KIAA1549L: variants seen among roughly 807,000 people sequenced by gnomAD.
KIAA1549L encodes the protein KIAA1549 like.
A neutral mutation model predicts 160.7 loss-of-function variants in KIAA1549L; 88 were observed. The observed-to-expected ratio is 0.55, with a 90% CI of 0.46 to 0.65. The LOEUF (loss-of-function observed/expected upper bound fraction) is 0.65, where lower values mean the gene tolerates loss of function less well. Among genes scored for constraint, KIAA1549L ranks in the 30% least tolerant of loss-of-function variants. The pLI, the probability that KIAA1549L is intolerant of heterozygous loss-of-function variation, is 0.00. For missense variants in KIAA1549L, 2,258 were observed against 2,437.5 expected (o/e 0.93, Z 1.55); for synonymous variants, 950 against 976.7 (o/e 0.97, Z 0.51).
Position 33,598,992 on chromosome 11 carries a change from C to T in KIAA1549L, c.4879+45C>T, listed in dbSNP as rs148522549. The T allele has an allele frequency of 1.9e-3, 3,073 of 1,605,960 alleles. 12 individuals are homozygous for T. The highest frequency in any genetic ancestry group is 6.7e-3 in the South Asian group (610 of 90,564). On this transcript the variant is annotated intron_variant, in intron 13 of 20. Transcript: ENST00000658780. Reference sequence around the variant, plus strand: ...AGAACCACCCCCAGCTGCTCCCACGCGTGCCCGCACACACATGCGTGCACA... The same window carrying T: ...AGAACCACCCCCAGCTGCTCCCACGTGTGCCCGCACACACATGCGTGCACA...
At chr11:33,505,795 C>T (rs1467543553) in intron 1 of KIAA1549L, among the ~76,000 whole-genome samples, 1 of 152,112 alleles carries the variant, frequency 6.6e-6, no homozygotes, top group African/African-American at 2.4e-5. Flanking sequence ...TTTTTTATGG[C>T]CAGATTTTTG....
At chr11:33,624,498 T>C (rs951157535) in intron 16 of KIAA1549L, among the ~76,000 whole-genome samples, 4 of 152,198 alleles carry the variant, frequency 2.6e-5, no homozygotes, top group African/African-American at 7.2e-5. Context: ...CAAACATTAA[T>C]TGAGTGCATT....
intron 12 of KIAA1549L, among the ~76,000 whole-genome samples, chr11:33,596,873 A>AC (rs925532171): frequency 6.6e-6 from 1 of 152,040 alleles, no homozygotes; most frequent in African/African-American, 2.4e-5. Flanking sequence ...GGTGCCATTC[A>AC]CCAGAAGAGT....
chr11:33,665,138 C>T (rs2133456514), intron 20 of KIAA1549L: 1 of 152,424 alleles, frequency 6.6e-6, no homozygotes, highest in African/African-American at 2.4e-5. Context: ...TTCCTGGAAA[C>T]CTCTGTGGCC....
chr11:33,478,156 C>G (rs925384399), intron 1 of KIAA1549L, among the ~76,000 whole-genome samples: 1 of 152,242 alleles, frequency 6.6e-6, no homozygotes, highest in African/African-American at 2.4e-5. Flanking sequence ...TCATTGTCTT[C>G]TGTGGTATGC....
intron 17 of KIAA1549L, among the ~76,000 whole-genome samples, chr11:33,649,378 G>C (rs995282088): frequency 6.7e-5 from 10 of 148,954 alleles, no homozygotes; most frequent in Non-Finnish European, 4.4e-5. Flanking sequence ...GGCTGGGCCT[G>C]TAGTCCTAGC....
intron 1 of KIAA1549L, among the ~76,000 whole-genome samples, chr11:33,508,887 C>T (rs985106009): frequency 1.3e-5 from 2 of 152,194 alleles, no homozygotes; most frequent in African/African-American, 4.8e-5. Context: ...CCTTTTGCTT[C>T]AGTTTCTTTG....
intron 1 of KIAA1549L, among the ~76,000 whole-genome samples, chr11:33,392,394 CAT>C (rs1469362801): frequency 2.0e-5 from 3 of 152,174 alleles, no homozygotes; most frequent in African/African-American, 4.8e-5. Flanking sequence ...GACATCAGTA[CAT>C]GTCACCCCTA....
chr11:33,627,674 G>T (rs115141407), intron 16 of KIAA1549L, among the ~76,000 whole-genome samples: 1 of 151,896 alleles, frequency 6.6e-6, no homozygotes, highest in Admixed American at 6.6e-5. Flanking sequence ...TGCCAATAAA[G>T]AAACAATTAG....
intron 1 of KIAA1549L, among the ~76,000 whole-genome samples, chr11:33,415,604 C>T (rs1158670146): frequency 6.6e-6 from 1 of 152,158 alleles, no homozygotes; most frequent in Non-Finnish European, 1.5e-5. Context: ...CCGAGTGGAA[C>T]AGCCAAGCCT....
intron 11 of KIAA1549L, among the ~76,000 whole-genome samples, chr11:33,590,436 A>C (rs1850019585): frequency 6.6e-6 from 1 of 152,230 alleles, no homozygotes; most frequent in South Asian, 2.1e-4. Context: ...ACTTTCAGGA[A>C]TTGTTTAAAT....
chr11:33,539,578 C>A (rs572822171), intron 1 of KIAA1549L, among the ~76,000 whole-genome samples: 1 of 152,330 alleles, frequency 6.6e-6, no homozygotes, highest in Non-Finnish European at 1.5e-5. Flanking sequence ...TTGCTACTTT[C>A]TTCTTTCTCT....
intron 1 of KIAA1549L, among the ~76,000 whole-genome samples, chr11:33,426,083 GAAAAAGGACA>G (rs1282675090): frequency 1.3e-5 from 2 of 152,170 alleles, no homozygotes; most frequent in Admixed American, 6.5e-5. Context: ...TTCTGCATCA[GAAAAAGGACA>G]TTAGAGACAA....
intron 1 of KIAA1549L, among the ~76,000 whole-genome samples, chr11:33,438,904 G>C (rs1167978361): frequency 1.5e-5 from 2 of 134,820 alleles, no homozygotes; most frequent in East Asian, 4.4e-4. Context: ...TAGAATCTTT[G>C]TCAGCCAAGT....
Position 33,606,634 on chromosome 11 carries a change from G to A in KIAA1549L, c.4880-7G>A. 6.2e-7 allele frequency: 1 copy of A among 1,613,408 alleles called. No individual in the cohort carries two copies. Among genetic ancestry groups the A allele is most frequent in the East Asian group, 2.2e-5 (1 of 44,874 alleles). ...CATAAAATCGATGTGTTTATGTTGT[G>A]CTTCAGTGCCAGCGAGTGACGAAGA... On this transcript the variant is annotated splice_polypyrimidine_tract_variant and splice_region_variant and intron_variant, in intron 13 of 20. Transcript: ENST00000658780.
rs775916430 is a variant in KIAA1549L at position 33,568,098 on chromosome 11, G to A, written c.4101G>A (p.Ser1367=). The change falls in exon 9 of 21, where the codon TCG becomes TCA. Residue 1367 remains serine, a synonymous_variant. Coordinates refer to ENST00000658780, the MANE Select transcript of KIAA1549L (RefSeq NM_012194.3). ...VITVLQGVDN[S]LVGLHNQSFA... is the part of the protein sequence containing the mutation. ...CAGTGCTGCAGGGTGTGGACAATTC[G>A]CTGGTGGGCCTGCACAACCAGAGCT... 48 of 1,611,552 alleles carry A rather than the reference G, an allele frequency of 3.0e-5. No homozygotes were observed. Among genetic ancestry groups the A allele is most frequent in the Non-Finnish European group, 3.6e-5 (43 of 1,178,972 alleles).
chr11:33,409,252 G>A (rs1850738113), intron 1 of KIAA1549L, among the ~76,000 whole-genome samples: 1 of 152,174 alleles, frequency 6.6e-6, no homozygotes, highest in Non-Finnish European at 1.5e-5. Flanking sequence ...TGAGGTCCTA[G>A]TATACAAAAG....
At chr11:33,520,303 G>T (rs985931350) in intron 1 of KIAA1549L, among the ~76,000 whole-genome samples, 4 of 151,882 alleles carry the variant, frequency 2.6e-5, no homozygotes, top group Non-Finnish European at 5.9e-5. Context: ...TCCCTCAACA[G>T]CCCCTAGTAA....
chr11:33,607,523 G>A (rs1220915465), intron 14 of KIAA1549L, among the ~76,000 whole-genome samples: 1 of 152,204 alleles, frequency 6.6e-6, no homozygotes, highest in African/African-American at 2.4e-5. Context: ...TGAACTTTAA[G>A]AAGATGCATT....
Sources: allele counts gnomAD v4.1 joint callset (sites outside exome capture counted in the v4.1 genomes callset), GRCh38; gene constraint gnomAD v4.1.1; transcripts MANE v1.5; gene names NCBI Gene and HGNC (gene_info 2026-07-23, HGNC 2026-07-21).